Variants in MCTP1 observed in about 807,000 individuals in gnomAD.
MCTP1 encodes the protein multiple C2 and transmembrane domain-containing protein 1.
In MCTP1, 69 loss-of-function variants were observed where a neutral mutation model predicts 120.6. The ratio of observed to expected loss-of-function variants is 0.57; its 90% CI spans 0.47 to 0.70. The LOEUF is 0.70. MCTP1 is among the 30% of genes least tolerant of loss of function. MCTP1 has a pLI of 0.00. For synonymous variants in MCTP1, 529 were observed against 493.1 expected (o/e 1.07, Z -0.96); for missense variants, 1,203 against 1,248.8 (o/e 0.96, Z 0.55).
At chr5:95,209,139 C>T (rs1338322881) in intron 1 of MCTP1, among the ~76,000 whole-genome samples, 1 of 152,180 alleles carries the variant, frequency 6.6e-6, no homozygotes, top group Non-Finnish European at 1.5e-5. Flanking sequence ...ATTGTATCAT[C>T]CCCAATTGTC....
chr5:94,754,571 A>G (rs756180983), intron 19 of MCTP1, among the ~76,000 whole-genome samples: 1 of 152,174 alleles, frequency 6.6e-6, no homozygotes, highest in Non-Finnish European at 1.5e-5. Context: ...ACTTCATCCA[A>G]AGCCATAGGT....
At chr5:95,030,877 G>A (rs1581930041) in intron 1 of MCTP1, among the ~76,000 whole-genome samples, 1 of 151,816 alleles carries the variant, frequency 6.6e-6, no homozygotes, top group Non-Finnish European at 1.5e-5. Flanking sequence ...AGGAAACTCA[G>A]TGATATCCAA....
intron 19 of MCTP1, among the ~76,000 whole-genome samples, chr5:94,777,802 G>C (rs1380459632): frequency 6.6e-6 from 1 of 152,104 alleles, no homozygotes; most frequent in Admixed American, 6.6e-5. Context: ...TTGCAGGAAG[G>C]AGATTTTGTT....
chr5:94,888,475 T>C (rs1801815172), intron 12 of MCTP1, among the ~76,000 whole-genome samples: 1 of 152,204 alleles, frequency 6.6e-6, no homozygotes, highest in Non-Finnish European at 1.5e-5. Flanking sequence ...TTGAGTATTA[T>C]GCACCTAAAA....
intron 2 of MCTP1, among the ~76,000 whole-genome samples, chr5:95,011,264 G>A (rs1835881475): frequency 6.6e-6 from 1 of 152,124 alleles, no homozygotes; most frequent in South Asian, 2.1e-4. Flanking sequence ...TTACTGGGGT[G>A]TTTGTTAAAA....
chr5:94,907,542 C>T (rs2153431230), intron 10 of MCTP1, among the ~76,000 whole-genome samples: 1 of 144,800 alleles, frequency 6.9e-6, no homozygotes, highest in South Asian at 2.1e-4. Context: ...TGATCTTCTA[C>T]CCAGCAATTT....
chr5:95,132,636 T>C (rs1227413978), intron 1 of MCTP1, among the ~76,000 whole-genome samples: 2 of 152,182 alleles, frequency 1.3e-5, no homozygotes, highest in African/African-American at 4.8e-5. Context: ...GGCAAACCGC[T>C]CTATCCTCTG....
intron 1 of MCTP1, among the ~76,000 whole-genome samples, chr5:95,245,617 A>G (rs1271822587): frequency 6.8e-6 from 1 of 147,752 alleles, no homozygotes; most frequent in African/African-American, 2.5e-5. Context: ...CATGAAGACA[A>G]GATTAGAAAA....
At chr5:94,935,189 A>G (rs967853823) in intron 5 of MCTP1, among the ~76,000 whole-genome samples, 4 of 151,968 alleles carry the variant, frequency 2.6e-5, no homozygotes, top group African/African-American at 9.7e-5. Context: ...CATGACCTCA[A>G]TGGAGAAGAT....
chr5:94,897,800 AG>A (rs796425742), intron 10 of MCTP1, among the ~76,000 whole-genome samples: 1 of 152,310 alleles, frequency 6.6e-6, no homozygotes, highest in African/African-American at 2.4e-5. Flanking sequence ...AGTACTCAAT[AG>A]TTACTTTTTC....
chr5:94,919,382 T>TA lies in MCTP1; in HGVS notation c.1273-1410dup, dbSNP rs576635466. Among the ~76,000 whole-genome samples, 22 of 151,978 alleles carry TA rather than the reference T, an allele frequency of 1.4e-4. No homozygotes were observed. The South Asian group carries it at 3.1e-3, about 22-fold the overall frequency. ...TCGTTGTGATTTAAAAATGGAAAAT[T>TA]AAAAAAAATCGATTTAGACTTAATA... On this transcript the variant is annotated intron_variant, in intron 7 of 22. Coordinates refer to ENST00000515393, the MANE Select transcript of MCTP1 (RefSeq NM_024717.7).
intron 19 of MCTP1, among the ~76,000 whole-genome samples, chr5:94,733,392 C>G (rs997945017): frequency 6.6e-6 from 1 of 152,172 alleles, no homozygotes; most frequent in Non-Finnish European, 1.5e-5. Flanking sequence ...TACAGGATTT[C>G]CATCATCTTT....
At chr5:94,947,168 C>A (rs1819157151) in intron 3 of MCTP1, among the ~76,000 whole-genome samples, 1 of 152,118 alleles carries the variant, frequency 6.6e-6, no homozygotes, top group Non-Finnish European at 1.5e-5. Context: ...TGATACCGTA[C>A]TCTGATCTTG....
intron 13 of MCTP1, among the ~76,000 whole-genome samples, 160 bp from the exon 14 acceptor site, chr5:94,871,577 T>C (rs2153311706): frequency 6.6e-6 from 1 of 152,254 alleles, no homozygotes; most frequent in Middle Eastern, 3.4e-3. Flanking sequence ...TCTGACAGAA[T>C]TTCCCATAAT....
chr5:94,712,410 TTGAGG>T (rs1445707719), intron 20 of MCTP1, among the ~76,000 whole-genome samples: 1 of 106,912 alleles, frequency 9.4e-6, no homozygotes, highest in Non-Finnish European at 2.0e-5. Flanking sequence ...TTGTACTTAC[TTGAGG>T]TGAGTTTTTT....
At chr5:95,043,817 G>A (rs1562066693) in intron 1 of MCTP1, among the ~76,000 whole-genome samples, 1 of 152,246 alleles carries the variant, frequency 6.6e-6, no homozygotes, top group East Asian at 1.9e-4. Context: ...AATGGGATTA[G>A]TAAAGGCTGC....
intron 19 of MCTP1, among the ~76,000 whole-genome samples, chr5:94,733,836 C>T (rs975148242): frequency 8.6e-5 from 13 of 151,746 alleles, no homozygotes; most frequent in African/African-American, 3.1e-4. Flanking sequence ...TGGTGGCGGG[C>T]ACCTGTAGTC....
intron 1 of MCTP1, among the ~76,000 whole-genome samples, chr5:95,212,967 C>A (rs1752579434): frequency 1.3e-5 from 2 of 152,230 alleles, no homozygotes; most frequent in South Asian, 4.1e-4. Context: ...ACAGGGATGC[C>A]CTCTCTCACC....
intron 17 of MCTP1, among the ~76,000 whole-genome samples, chr5:94,817,526 G>T (rs1365275380): frequency 6.6e-6 from 1 of 152,104 alleles, no homozygotes; most frequent in Non-Finnish European, 1.5e-5. Context: ...AATTACAAGG[G>T]TCTCAGTTCC....
Sources: allele counts gnomAD v4.1 joint callset (sites outside exome capture counted in the v4.1 genomes callset), GRCh38; gene constraint gnomAD v4.1.1; transcripts MANE v1.5; gene names NCBI Gene and HGNC (gene_info 2026-07-23, HGNC 2026-07-21).